Variants in CEACAM21 observed in about 807,000 individuals in gnomAD.
The protein encoded by CEACAM21 is CEA cell adhesion molecule 21.
In CEACAM21, 38 loss-of-function variants were observed where a neutral mutation model predicts 33.2. That is an observed-to-expected ratio of 1.14 (90% CI 0.88 to 1.50). The LOEUF is 1.50. Ranked by LOEUF, CEACAM21 falls within the 40% of genes most tolerant of loss-of-function variation. CEACAM21 has a pLI of 0.00. For missense variants in CEACAM21, 385 were observed against 364.6 expected, an observed-to-expected ratio of 1.06 and a Z score of -0.46; for synonymous variants, 156 against 143.0, an observed-to-expected ratio of 1.09 and a Z score of -0.65.
intron 2 of CEACAM21, among the ~76,000 whole-genome samples, chr19:41,578,120 G>A (rs1369541743): frequency 2.6e-5 from 4 of 152,208 alleles, no homozygotes; most frequent in Non-Finnish European, 5.9e-5. Context: ...GGCAAGGGCA[G>A]AGCCTCATCT....
At chr19:41,559,032 C>T (rs1407082368) in intron 1 of CEACAM21, among the ~76,000 whole-genome samples, 1 of 152,122 alleles carries the variant, frequency 6.6e-6, no homozygotes, top group Non-Finnish European at 1.5e-5. Flanking sequence ...ACATTCCTAC[C>T]TGTAATTGAT....
At chr19:41,572,344 C>A (rs1368558069), upstream of CEACAM21, among the ~76,000 whole-genome samples, 2 of 152,120 alleles carry the variant, frequency 1.3e-5, no homozygotes, top group East Asian at 3.9e-4. Flanking sequence ...ATCTCAAATG[C>A]AAAATGAGAG....
At chr19:41,562,314 A>G (rs114512851) in intron 1 of CEACAM21, among the ~76,000 whole-genome samples, 5,438 of 152,126 alleles carry the variant, frequency 0.036, 251 homozygotes, top group African/African-American at 0.11. Flanking sequence ...TTTAAGAAAA[A>G]AAAAAGAAGA....
upstream of CEACAM21, among the ~76,000 whole-genome samples, chr19:41,575,017 G>T (rs1555790530): frequency 6.6e-6 from 1 of 152,198 alleles, no homozygotes; most frequent in Non-Finnish European, 1.5e-5. Context: ...AAATAGGAAA[G>T]AAGCTGTAAT....
upstream of CEACAM21, among the ~76,000 whole-genome samples, chr19:41,573,594 G>T (rs1315079542): frequency 2.0e-5 from 3 of 152,162 alleles, no homozygotes; most frequent in African/African-American, 7.2e-5. Context: ...ACAAATAAAA[G>T]AGTAAGCATG....
Position 41,585,498 on chromosome 19 carries a change from G to A in CEACAM21, c.850+3G>A, listed in dbSNP as rs1555795065. The A allele has an allele frequency of 6.2e-7, 1 of 1,613,656 alleles. No homozygotes were observed. Among genetic ancestry groups the A allele is most frequent in the East Asian group, 2.2e-5 (1 of 44,890 alleles). ...GCAGCCCCCAGCCTCCACCCCCGGTGAGTGTCCCTTCAGTCTGGGTGTGGC... is the reference window on the plus strand; with the variant it reads ...GCAGCCCCCAGCCTCCACCCCCGGTAAGTGTCCCTTCAGTCTGGGTGTGGC... On this transcript the variant is annotated splice_donor_region_variant and intron_variant, in intron 5 of 6. Transcript: ENST00000401445.
chr19:41,553,433 T>C (rs2041345440), intron 1 of CEACAM21, among the ~76,000 whole-genome samples: 1 of 152,066 alleles, frequency 6.6e-6, no homozygotes, highest in South Asian at 2.1e-4. Flanking sequence ...AAAGACAAAT[T>C]ACGACAGGAC....
At chr19:41,585,065 G>C (rs537298776) in intron 4 of CEACAM21, among the ~76,000 whole-genome samples, 6 of 152,282 alleles carry the variant, frequency 3.9e-5, no homozygotes, top group African/African-American at 1.4e-4. Context: ...GAGAATCCAA[G>C]ATGCATGCAG....
At chr19:41,573,109 C>T (rs549123744), upstream of CEACAM21, among the ~76,000 whole-genome samples, 2 of 152,132 alleles carry the variant, frequency 1.3e-5, no homozygotes, top group Non-Finnish European at 2.9e-5. Flanking sequence ...CTTGAGAGCC[C>T]GGGTCCCTTC....
At chr19:41,585,614 CCATAAAA>C in intron 5 of CEACAM21, 119 bp downstream of exon 5, 1 of 1,216,300 alleles carries the variant, frequency 8.2e-7, no homozygotes, top group Admixed American at 2.0e-5. Flanking sequence ...AAAGAGGATC[CCATAAAA>C]CATCACACAG....
chr19:41,582,737 G>C (rs2043506144), intron 3 of CEACAM21, among the ~76,000 whole-genome samples: 2 of 152,170 alleles, frequency 1.3e-5, no homozygotes, highest in African/African-American at 4.8e-5. Context: ...AGGGCACCAA[G>C]TCTCTAGGCC....
rs782371606 is a variant in CEACAM21, at chr19:41,586,467, T to C, written c.*4T>C. 10 of 633,666 alleles carry C rather than the reference T, an allele frequency of 1.6e-5. No individual in the cohort carries two copies. The highest frequency in any genetic ancestry group is 2.4e-5 in the Non-Finnish European group (8 of 329,712). The allele number at this position is 633,666 out of a possible 1,614,324, so 39.3% of individuals were successfully genotyped here. The stretch of plus-strand genomic sequence containing the variant: ...GACCTCTTCTCTGTTTTTACAGGAA[T>C]TGCTACACTCTGACACAAACATTTA... On this transcript the variant is annotated 3_prime_UTR_variant, in exon 7 of 7. Transcript: ENST00000401445.
Position 41,585,792 on chromosome 19 carries a change from G to A in CEACAM21, c.851-48G>A, listed in dbSNP as rs551007425. 101 of 1,592,430 alleles carry A rather than the reference G, an allele frequency of 6.3e-5. 1 individual carries two copies. The South Asian group carries it at 9.7e-4, about 15-fold the overall frequency. ...ACCCCCACACACTCTTGCAGGAGGG[G>A]CCCAGCTATCCTAACACTCTCGTGC... is the stretch of plus-strand genomic sequence containing the variant. On this transcript the variant is annotated intron_variant, in intron 5 of 6. Coordinates refer to ENST00000401445, the MANE Select transcript of CEACAM21 (RefSeq NM_001098506.4).
intron 1 of CEACAM21, chr19:41,554,827 T>A (rs201702186): frequency 6.6e-6 from 1 of 152,090 alleles, no homozygotes; most frequent in African/African-American, 2.4e-5. Context: ...CCCCTTCAAC[T>A]TTAGTCAATA....
At chr19:41,578,172 T>TC (rs1263632992) in intron 2 of CEACAM21, among the ~76,000 whole-genome samples, 10 of 151,896 alleles carry the variant, frequency 6.6e-5, no homozygotes, top group Non-Finnish European at 1.0e-4. Flanking sequence ...CAAACAAACT[T>TC]CCCAGGCCAT....
chr19:41,560,744 T>C (rs1555786653), intron 1 of CEACAM21, among the ~76,000 whole-genome samples: 3 of 152,218 alleles, frequency 2.0e-5, no homozygotes, highest in Non-Finnish European at 4.4e-5. Context: ...ATTTTTCAAA[T>C]GATGTCTCCA....
At chr19:41,576,763 T>A (rs1229227968) in intron 1 of CEACAM21, among the ~76,000 whole-genome samples, 1 of 151,796 alleles carries the variant, frequency 6.6e-6, no homozygotes, top group African/African-American at 2.4e-5. Context: ...CTAACATCAC[T>A]CAAGTCCATG....
At chr19:41,552,485 C>T (rs1464980806) in intron 1 of CEACAM21, among the ~76,000 whole-genome samples, 1 of 152,190 alleles carries the variant, frequency 6.6e-6, no homozygotes, top group African/African-American at 2.4e-5. Flanking sequence ...TGTAGAAAGG[C>T]GCTGGCACTT....
intron 1 of CEACAM21, chr19:41,550,608 T>C (rs1365087687): frequency 6.6e-6 from 1 of 151,996 alleles, no homozygotes; most frequent in Non-Finnish European, 1.5e-5. Context: ...CCATCTCTAG[T>C]AAAAATACGA....
Sources: gnomAD v4.1 joint callset for allele counts (sites outside exome capture counted in the v4.1 genomes callset) on GRCh38, gnomAD v4.1.1 for gene constraint, MANE v1.5 for transcripts, NCBI Gene and HGNC (gene_info 2026-07-23, HGNC 2026-07-21) for gene names.